BTNL3: variants seen among roughly 807,000 people sequenced by gnomAD.
BTNL3 encodes butyrophilin like 3.
Under a neutral mutation model 40.1 loss-of-function variants are expected in BTNL3, and 20 were observed. The observed-to-expected ratio is 0.50, with a 90% CI of 0.35 to 0.72. The LOEUF (loss-of-function observed/expected upper bound fraction) is 0.72, where lower values mean the gene tolerates loss of function less well. Ranked by LOEUF, BTNL3 falls within the 30% of genes least tolerant of loss-of-function variation. The pLI, the probability that BTNL3 is intolerant of heterozygous loss-of-function variation, is 0.01. For synonymous variants in BTNL3, 179 were observed against 222.1 expected, an observed-to-expected ratio of 0.81 and a Z score of 1.73; for missense variants, 449 against 582.2, an observed-to-expected ratio of 0.77 and a Z score of 2.35.
chr5:180,994,910 G>A lies in BTNL3; in HGVS notation c.397+1750G>A, dbSNP rs553582173. 1.1e-4 allele frequency among the ~76,000 whole-genome samples: 15 copies of A among 133,774 alleles called. 3 individuals carry two copies. Among genetic ancestry groups the A allele is most frequent in the Admixed American group, 1.6e-4 (2 of 12,500 alleles). The allele number at this position is 133,774 out of a possible 152,430, so 87.8% of individuals were successfully genotyped here. A position where few individuals can be genotyped will look rare whatever the true frequency, so the allele number is the denominator to read the frequency against. Reference sequence around the variant, plus strand: ...ACGCCATTCTCCTGCCTCAGCCTCCGGAGTAGCTGGAACTACAGGCACCTG... The same window carrying A: ...ACGCCATTCTCCTGCCTCAGCCTCCAGAGTAGCTGGAACTACAGGCACCTG... On this transcript the variant is annotated intron_variant, in intron 2 of 7. Transcript: ENST00000342868.
At chr5:180,994,772 G>T (rs1760013099) in intron 2 of BTNL3, among the ~76,000 whole-genome samples, 1 of 133,730 alleles carries the variant, frequency 7.5e-6, no homozygotes, top group African/African-American at 2.6e-5. Flanking sequence ...TTGTATCCTG[G>T]AGTTCAATAA....
In BTNL3 at chr5:180,992,777, A is replaced by C; in HGVS notation, c.50-36A>C. ...AGAGCCCTGAGAAGGACTCAAGTGG[A>C]TTTTGCTCAGTTGTCTGTTATGTTT... On this transcript the variant is annotated intron_variant, in intron 1 of 7. Coordinates refer to ENST00000342868, the MANE Select transcript of BTNL3 (RefSeq NM_197975.3). The C allele has an allele frequency of 2.1e-6, 3 of 1,458,352 alleles. 1 individual carries two copies. The highest frequency in any genetic ancestry group is 2.8e-6 in the Non-Finnish European group (3 of 1,056,744). The allele number at this position is 1,458,352 out of a possible 1,614,324, so 90.3% of individuals were successfully genotyped here.
chr5:180,989,422 G>A (rs1759942205), intron 1 of BTNL3, among the ~76,000 whole-genome samples: 1 of 137,276 alleles, frequency 7.3e-6, no homozygotes, highest in South Asian at 2.2e-4. Flanking sequence ...GGCAGGGGAA[G>A]TCTCTAATAA....
At position 180,990,035 on chromosome 5, in the gene BTNL3, C is replaced by T. The variant is rs759843095; in HGVS notation, c.49+958C>T. On this transcript the variant is annotated intron_variant, in intron 1 of 7. Coordinates refer to ENST00000342868, the MANE Select transcript of BTNL3 (RefSeq NM_197975.3). The stretch of plus-strand genomic sequence containing the variant: ...ATTAGCCGGGCATGGTGGTGAGCGC[C>T]TGTAGTCCCAGCTACTCGGGAGGCT... Among the ~76,000 whole-genome samples the T allele has an allele frequency of 2.2e-5, 3 of 136,204 alleles. 1 individual carries two copies. Among genetic ancestry groups the T allele is most frequent in the Non-Finnish European group, 5.0e-5 (3 of 59,542 alleles). 89.4% of individuals were successfully genotyped at this position (136,204 alleles called of 152,430 possible).
At position 180,993,741 on chromosome 5, in the gene BTNL3, T is replaced by C. The variant is rs745914050; in HGVS notation, c.397+581T>C. ...GTATTTCTTCTATATACATAAGCACTATATCAGATAGTGACTTAATTTCTG... is the reference window on the plus strand; with the variant it reads ...GTATTTCTTCTATATACATAAGCACCATATCAGATAGTGACTTAATTTCTG... On this transcript the variant is annotated intron_variant, in intron 2 of 7. Transcript: ENST00000342868. Among the ~76,000 whole-genome samples, 18 of 137,338 alleles carry C rather than the reference T, an allele frequency of 1.3e-4. 3 individuals carry two copies. Among genetic ancestry groups the C allele is most frequent in the Non-Finnish European group, 2.5e-4 (15 of 60,054 alleles). The allele number at this position is 137,338 out of a possible 152,430, so 90.1% of individuals were successfully genotyped here.
chr5:180,991,886 T>G (rs546361024), intron 1 of BTNL3, among the ~76,000 whole-genome samples: 5 of 136,294 alleles, frequency 3.7e-5, no homozygotes, highest in African/African-American at 1.0e-4. Context: ...CTGGGCCATA[T>G]TGAAAGAAGA....
chr5:181,005,627 C>G lies in BTNL3; in HGVS notation c.1156C>G (p.His386Asp). ...GYWVLRLTTE[H>D]LYFTFNPHFI... ...TTGGGTCCTCAGACTGACAACAGAA[C>G]ATTTGTATTTCACATTCAATCCCCA... The change falls in exon 8 of 8, where the codon CAT becomes GAT. Residue 386 changes from histidine (H) to aspartate (D), a missense_variant. This residue lies in a region of BTNL3 where 126 missense variants were observed against 117.2 expected (regional missense o/e 1.07). Transcript: ENST00000342868. 1 of 1,614,046 alleles carries G rather than the reference C, an allele frequency of 6.2e-7. No homozygotes were observed. Among genetic ancestry groups the G allele is most frequent in the South Asian group, 1.1e-5 (1 of 91,078 alleles).
In BTNL3 at chr5:181,002,785, G is replaced by C; in HGVS notation, c.787G>C (p.Gly263Arg). The change falls in exon 4 of 8, where the codon GGG becomes CGG. Residue 263 changes from glycine to arginine, a missense_variant and splice_region_variant. Gly to Arg is a moderately radical substitution (Grantham distance 125). This residue lies in a region of BTNL3 where 323 missense variants were observed against 464.9 expected (regional missense o/e 0.69). Transcript: ENST00000342868. Reference protein sequence around the residue: ...GMIIVFFKSKGKIQAELDWRR... With the variant: ...GMIIVFFKSKRKIQAELDWRR... ...GATAATTGTTTTCTTCAAATCCAAA[G>C]GTAAGTGAGAGAGAGAAGCATGGGC... The C allele has an allele frequency of 6.9e-7, 1 of 1,449,160 alleles. No homozygotes were observed. The highest frequency in any genetic ancestry group is 9.5e-7 in the Non-Finnish European group (1 of 1,050,166). 89.8% of individuals were successfully genotyped at this position (1,449,160 alleles called of 1,614,324 possible). A position where few individuals can be genotyped will look rare whatever the true frequency, so the allele number is the denominator to read the frequency against.
intron 5 of BTNL3, 56 bp downstream of exon 5, chr5:181,003,932 CCA>C (rs748754633): frequency 1.9e-6 from 3 of 1,613,718 alleles, no homozygotes; most frequent in Non-Finnish European, 2.5e-6. Context: ...CCTCCCTGAT[CCA>C]CAGTTTGAGC....
intron 7 of BTNL3, 43 bp from the exon 8 acceptor site, chr5:181,005,291 T>C (rs752061197): frequency 6.2e-7 from 1 of 1,603,234 alleles, no homozygotes; most frequent in Non-Finnish European, 8.5e-7. Flanking sequence ...CCAGATTTCG[T>C]CTTCAGTAAC....
At chr5:181,004,883 G>C in intron 7 of BTNL3, 121 bp downstream of exon 7, 3 of 1,575,800 alleles carry the variant, frequency 1.9e-6, no homozygotes, top group South Asian at 2.3e-5. Context: ...CCAGGGTGCA[G>C]CTGCCTCTAA....
Position 181,002,877 on chromosome 5 carries a change from T to C in BTNL3, c.787+92T>C. On this transcript the variant is annotated intron_variant, in intron 4 of 7. Transcript: ENST00000342868. ...GCCCTCACACACCTCTGGGCTCTGCTCTTCCAGCCCTAGGCCTACAGGGGC... is the reference window on the plus strand; with the variant it reads ...GCCCTCACACACCTCTGGGCTCTGCCCTTCCAGCCCTAGGCCTACAGGGGC... 1.5e-6 allele frequency: 2 copies of C among 1,357,094 alleles called. 1 individual carries two copies. Among genetic ancestry groups the C allele is most frequent in the Admixed American group, 4.2e-5 (2 of 48,046 alleles). The allele number at this position is 1,357,094 out of a possible 1,614,324, so 84.1% of individuals were successfully genotyped here. A position where few individuals can be genotyped will look rare whatever the true frequency, so the allele number is the denominator to read the frequency against.
chr5:180,991,200 T>G lies in BTNL3; in HGVS notation c.50-1613T>G. Among the ~76,000 whole-genome samples, 2 of 137,320 alleles carry G rather than the reference T, an allele frequency of 1.5e-5. 1 individual carries two copies. The highest frequency in any genetic ancestry group is 3.3e-5 in the Non-Finnish European group (2 of 59,958). The allele number at this position is 137,320 out of a possible 152,430, so 90.1% of individuals were successfully genotyped here. A position where few individuals can be genotyped will look rare whatever the true frequency, so the allele number is the denominator to read the frequency against. On this transcript the variant is annotated intron_variant, in intron 1 of 7. Transcript: ENST00000342868. ...GCTGGTCTGACACCAGGCTGCAAAGTCACGCCTCACTTAATAATGCTCTTA... is the reference window on the plus strand; with the variant it reads ...GCTGGTCTGACACCAGGCTGCAAAGGCACGCCTCACTTAATAATGCTCTTA...
chr5:180,996,243 A>G (rs1582087343), intron 2 of BTNL3, among the ~76,000 whole-genome samples: 1 of 135,716 alleles, frequency 7.4e-6, no homozygotes, highest in African/African-American at 2.5e-5. Flanking sequence ...TATTGATTCA[A>G]CCTCTCAAAT....
At chr5:180,992,588 A>G (rs1759982994) in intron 1 of BTNL3, among the ~76,000 whole-genome samples, 1 of 137,232 alleles carries the variant, frequency 7.3e-6, no homozygotes, top group Non-Finnish European at 1.7e-5. Context: ...GAATATTGAT[A>G]GCACATACCT....
In BTNL3 at chr5:181,002,114, C is replaced by T. The variant is rs1364643247; in HGVS notation, c.674-558C>T. ...TTAGTCTTATCTCAGAGACATATCC[C>T]AAAGCTTTGAAGATTAAGCCAATTA... On this transcript the variant is annotated intron_variant, in intron 3 of 7. Coordinates refer to ENST00000342868, the MANE Select transcript of BTNL3 (RefSeq NM_197975.3). 1.5e-5 allele frequency among the ~76,000 whole-genome samples: 2 copies of T among 133,048 alleles called. 1 individual carries two copies. The highest frequency in any genetic ancestry group is 1.6e-4 in the Admixed American group (2 of 12,300). The allele number at this position is 133,048 out of a possible 152,430, so 87.3% of individuals were successfully genotyped here. A position where few individuals can be genotyped will look rare whatever the true frequency, so the allele number is the denominator to read the frequency against.
At chr5:180,991,243 T>C (rs115282270) in intron 1 of BTNL3, among the ~76,000 whole-genome samples, 1,384 of 137,850 alleles carry the variant, frequency 0.01, 179 homozygotes, top group African/African-American at 0.032. Flanking sequence ...ATGAGTGAAA[T>C]ACATTTCAGC....
Position 181,006,298 on chromosome 5 carries a change from A to G in BTNL3, c.*426A>G. The G allele has an allele frequency of 2.9e-6, 1 of 345,508 alleles. No homozygotes were observed. The highest frequency in any genetic ancestry group is 5.2e-6 in the Non-Finnish European group (1 of 193,380). 21.4% of individuals were successfully genotyped at this position (345,508 alleles called of 1,614,324 possible). A position where few individuals can be genotyped will look rare whatever the true frequency, so the allele number is the denominator to read the frequency against. On this transcript the variant is annotated 3_prime_UTR_variant, in exon 8 of 8. Coordinates refer to ENST00000342868, the MANE Select transcript of BTNL3 (RefSeq NM_197975.3). The stretch of plus-strand genomic sequence containing the variant: ...ATCATGCTTGCAGGTTTGAGGGCAC[A>G]GTGTTTGCTAATGATGTGTTTTTAT...
rs1052905004 is a variant in BTNL3 at position 180,991,427 on chromosome 5, T to C, written c.50-1386T>C. Among the ~76,000 whole-genome samples the C allele has an allele frequency of 1.9e-4, 26 of 136,760 alleles. 4 individuals carry two copies. The highest frequency in any genetic ancestry group is 6.5e-4 in the African/African-American group (26 of 39,756). 89.7% of individuals were successfully genotyped at this position (136,760 alleles called of 152,430 possible). The stretch of plus-strand genomic sequence containing the variant: ...TACATGTGAATGAATCAAGAGACAC[T>C]GCCAATCAAAGGGGGTGGGTACTTA... On this transcript the variant is annotated intron_variant, in intron 1 of 7. Transcript: ENST00000342868.
Sources: allele counts gnomAD v4.1 joint callset (sites outside exome capture counted in the v4.1 genomes callset), GRCh38; gene constraint gnomAD v4.1.1; regional missense constraint gnomAD v4.1.1; transcripts MANE v1.5; gene names NCBI Gene and HGNC (gene_info 2026-07-23, HGNC 2026-07-21).